Variants in EPB41L4A observed in about 807,000 individuals in gnomAD.
EPB41L4A encodes band 4.1-like protein 4A.
In EPB41L4A, 100 loss-of-function variants were observed where a neutral mutation model predicts 108.6. The ratio of observed to expected loss-of-function variants is 0.92; its 90% CI spans 0.78 to 1.09. The LOEUF (loss-of-function observed/expected upper bound fraction) is 1.09. Among genes scored for constraint, EPB41L4A ranks in the 50% least tolerant of loss-of-function variants. The pLI is 0.00. For synonymous variants in EPB41L4A, 319 were observed against 289.0 expected, an observed-to-expected ratio of 1.10 and a Z score of -1.05; for missense variants, 1,030 against 842.7, an observed-to-expected ratio of 1.22 and a Z score of -2.75.
chr5:112,283,622 A>G (rs4957642), intron 2 of EPB41L4A, among the ~76,000 whole-genome samples: 152,100 of 152,340 alleles, frequency 1, 75,931 homozygotes, highest in Non-Finnish European at 1. Flanking sequence ...CCAATATTCT[A>G]GAGGTAGACT....
At chr5:112,351,495 A>G (rs998030460) in intron 1 of EPB41L4A, among the ~76,000 whole-genome samples, 7 of 152,208 alleles carry the variant, frequency 4.6e-5, no homozygotes, top group Non-Finnish European at 1.5e-5. Context: ...AACAAAGAAA[A>G]GCCCAGGCCT....
In EPB41L4A at chr5:112,162,896, CACTT is replaced by C. The variant is rs763749155; in HGVS notation, c.*2090_*2093del. On this transcript the variant is annotated 3_prime_UTR_variant, in exon 23 of 23. Coordinates refer to ENST00000261486, the MANE Select transcript of EPB41L4A (RefSeq NM_022140.5). ...GGCTAGAAAAAAGATACCGTTAGTCCACTTACTTTTGAGACAGTTTTGGCTGCTT... is the reference window on the plus strand; with the variant it reads ...GGCTAGAAAAAAGATACCGTTAGTCCACTTTTGAGACAGTTTTGGCTGCTT... The C allele has an allele frequency of 5.3e-5, 8 of 152,198 alleles. No individual in the cohort carries two copies. Among genetic ancestry groups the C allele is most frequent in the Non-Finnish European group, 1.0e-4 (7 of 68,050 alleles). 9.4% of individuals were successfully genotyped at this position (152,198 alleles called of 1,614,324 possible).
At chr5:112,353,557 G>C (rs868247693) in intron 1 of EPB41L4A, among the ~76,000 whole-genome samples, 2 of 152,088 alleles carry the variant, frequency 1.3e-5, no homozygotes, top group Non-Finnish European at 2.9e-5. Flanking sequence ...TGGTAGGCTC[G>C]GTGGGCCCAT....
intron 12 of EPB41L4A, among the ~76,000 whole-genome samples, chr5:112,211,570 A>T (rs1416151818): frequency 6.6e-6 from 1 of 151,050 alleles, no homozygotes; most frequent in Non-Finnish European, 1.5e-5. Flanking sequence ...CCCTGGCTAC[A>T]GAGCGAGACT....
chr5:112,168,939 G>A, intron 21 of EPB41L4A, 56 bp downstream of exon 21: 1 of 1,504,834 alleles, frequency 6.6e-7, no homozygotes, highest in Non-Finnish European at 9.3e-7. Context: ...AGTTCTTTTA[G>A]ACTGCACTGT....
chr5:112,372,452 G>A (rs181408635), intron 1 of EPB41L4A, among the ~76,000 whole-genome samples: 12 of 152,286 alleles, frequency 7.9e-5, no homozygotes, highest in Admixed American at 5.2e-4. Context: ...AATCAGGAAG[G>A]AAATAAGCAA....
At chr5:112,386,889 T>C (rs1760573462) in intron 1 of EPB41L4A, among the ~76,000 whole-genome samples, 1 of 152,210 alleles carries the variant, frequency 6.6e-6, no homozygotes. Context: ...CAGATGGTGA[T>C]GGTCGATCCT....
chr5:112,406,602 G>C (rs901792066), intron 1 of EPB41L4A, among the ~76,000 whole-genome samples: 7 of 152,046 alleles, frequency 4.6e-5, no homozygotes, highest in Non-Finnish European at 1.0e-4. Context: ...GAACAGACCA[G>C]AGGCCTGAGA....
chr5:112,315,582 A>G, intron 1 of EPB41L4A, among the ~76,000 whole-genome samples: 1 of 152,224 alleles, frequency 6.6e-6, no homozygotes, highest in East Asian at 1.9e-4. Flanking sequence ...ACAGAGATTC[A>G]GTTTACTTTT....
intron 1 of EPB41L4A, among the ~76,000 whole-genome samples, chr5:112,389,103 G>T (rs1760759647): frequency 6.6e-6 from 1 of 152,098 alleles, no homozygotes; most frequent in Non-Finnish European, 1.5e-5. Context: ...AGAAGATTCG[G>T]AGAACAACAA....
intron 1 of EPB41L4A, among the ~76,000 whole-genome samples, chr5:112,342,445 G>C (rs992820128): frequency 1.3e-5 from 2 of 152,222 alleles, no homozygotes; most frequent in Non-Finnish European, 2.9e-5. Context: ...AGGCAGTCCT[G>C]ACAAGTAGGT....
intron 22 of EPB41L4A, among the ~76,000 whole-genome samples, chr5:112,166,062 A>T (rs575857776): frequency 1.3e-5 from 2 of 152,354 alleles, no homozygotes; most frequent in East Asian, 3.9e-4. Context: ...AAAAAGTGCT[A>T]GGAGAGGACC....
intron 1 of EPB41L4A, among the ~76,000 whole-genome samples, chr5:112,376,531 T>C (rs9885390): frequency 0.14 from 21,826 of 152,214 alleles, 4,400 homozygotes; most frequent in African/African-American, 0.45. Context: ...CTCTCTTTGG[T>C]ATTTAGCTCA....
chr5:112,174,067 A>C (rs1333338832), intron 18 of EPB41L4A, among the ~76,000 whole-genome samples: 7 of 152,236 alleles, frequency 4.6e-5, no homozygotes, highest in African/African-American at 1.4e-4. Flanking sequence ...CCTATTTTTA[A>C]CTAAACTAAG....
chr5:112,234,200 TAAA>T (rs1749163736), intron 12 of EPB41L4A, among the ~76,000 whole-genome samples: 1 of 146,842 alleles, frequency 6.8e-6, no homozygotes, highest in East Asian at 2.0e-4. Context: ...TAAAATAAAA[TAAA>T]ATAAAATATA....
intron 1 of EPB41L4A, among the ~76,000 whole-genome samples, chr5:112,342,844 G>A (rs1757404332): frequency 1.3e-5 from 2 of 151,608 alleles, no homozygotes; most frequent in Non-Finnish European, 3.0e-5. Context: ...CACTTCTGAG[G>A]CATTCACTCC....
At chr5:112,150,559 G>A (rs1293604753) in intron 12 of EPB41L4A, among the ~76,000 whole-genome samples, 4 of 152,218 alleles carry the variant, frequency 2.6e-5, no homozygotes, top group Admixed American at 2.0e-4. Context: ...AGATAAAGCT[G>A]AAGAAGACAA....
rs2150439515 is a variant in EPB41L4A, at chr5:112,260,460, T to TTTTGAATTGAATCTATCAAACAA, written c.643-482_643-481insTTGTTTGATAGATTCAATTCAAA. On this transcript the variant is annotated intron_variant, in intron 7 of 22. Coordinates refer to ENST00000261486, the MANE Select transcript of EPB41L4A (RefSeq NM_022140.5). ...GAGAACCACTGGCATCTATCAAGGG[T>TTTTGAATTGAATCTATCAAACAA]GCTTTTGAATGGCTTGATTTATCTC... 2.0e-5 allele frequency among the ~76,000 whole-genome samples: 3 copies of TTTTGAATTGAATCTATCAAACAA among 152,282 alleles called. No homozygotes were observed. The South Asian group carries it at 6.2e-4, about 32-fold the overall frequency.
chr5:112,319,730 T>C (rs1755649355), intron 1 of EPB41L4A, among the ~76,000 whole-genome samples: 1 of 152,150 alleles, frequency 6.6e-6, no homozygotes, highest in Admixed American at 6.5e-5. Context: ...TTTTAAAACA[T>C]AAGAAAATGC....
Sources: allele counts gnomAD v4.1 joint callset (sites outside exome capture counted in the v4.1 genomes callset), GRCh38; gene constraint gnomAD v4.1.1; transcripts MANE v1.5; gene names NCBI Gene and HGNC (gene_info 2026-07-23, HGNC 2026-07-21).